PKD1: variants seen among roughly 807,000 people sequenced by gnomAD.
PKD1 encodes the protein polycystin 1, transient receptor potential channel interacting.
A neutral mutation model predicts 361.7 loss-of-function variants in PKD1; 81 were observed. The ratio of observed to expected loss-of-function variants is 0.22; its 90% confidence interval spans 0.19 to 0.27. The LOEUF is 0.27. Ranked by LOEUF, PKD1 falls within the 10% of genes least tolerant of loss-of-function variation. PKD1 has a pLI of 1.00. For synonymous variants in PKD1, 3,615 were observed against 2,818.3 expected (o/e 1.28, Z -8.95); for missense variants, 6,399 against 6,118.3 (o/e 1.05, Z -1.53).
chr16:2,105,899 T>G lies in PKD1; in HGVS notation c.7829A>C (p.Glu2610Ala), dbSNP rs768882400. Residue 2610 changes from glutamate (E) to alanine (A), a missense_variant, in exon 20 of 46, where the codon GAG becomes GCG. Transcript: ENST00000262304. ...CACGGTGACCAGGGCCAACGAGTAC[T>G]CGATGACGTGCTGGGGATCGGCCTG... ...LRQADPQHVI[E>A]YSLALVTVLN... 8 of 1,596,486 alleles carry G rather than the reference T, an allele frequency of 5.0e-6. No homozygotes were observed. In the East Asian group the frequency reaches 1.8e-4, roughly 36 times the overall value.
rs752568919 is a variant in PKD1 at position 2,106,645 on chromosome 16, C to T, written c.7242G>A (p.Thr2414=). The T allele has an allele frequency of 1.3e-5, 20 of 1,598,000 alleles. No individual in the cohort carries two copies. The highest frequency in any genetic ancestry group is 5.5e-5 in the South Asian group (5 of 90,870). The change falls in exon 18 of 46, where the codon ACG becomes ACA. Residue 2414 remains threonine, a synonymous_variant. Coordinates refer to ENST00000262304, the MANE Select transcript of PKD1 (RefSeq NM_001009944.3). The surrounding 1 kb of genome is among the most constrained non-coding windows in gnomAD (Gnocchi z 6.5). ...ATGTGGTGGTCTCATCCAGCACCAG[C>T]GTCTTGTTGCTGAACGTACGTGCAG... ...RWAARTFSNK[T]LVLDETTTST...
chr16:2,108,164 G>A (rs544172475), intron 15 of PKD1, 88 bp downstream of exon 15: 5 of 1,476,196 alleles, frequency 3.4e-6, no homozygotes, highest in South Asian at 2.4e-5. Context: ...CTGAGGACGG[G>A]CCAGCCCTGG....
At position 2,103,356 on chromosome 16, in the gene PKD1, G is replaced by C; in HGVS notation, c.8701C>G (p.Pro2901Ala). The C allele has an allele frequency of 6.2e-7, 1 of 1,604,558 alleles. No individual in the cohort carries two copies. The highest frequency in any genetic ancestry group is 1.3e-5 in the African/African-American group (1 of 74,990). ...ANSANSVVVQ[P>A]QASVGAVVTL... is the part of the protein sequence containing the mutation. The stretch of plus-strand genomic sequence containing the variant: ...ACCACAGCACCGACGGAGGCCTGGG[G>C]CTGGACCACAACGGAGTTGGCGGAG... Residue 2901 changes from proline to alanine, a missense_variant, in exon 23 of 46, where the codon CCC (proline) becomes GCC (alanine). Transcript: ENST00000262304.
rs571228066 is a variant in PKD1, at chr16:2,097,537, G to T, written c.10221-34C>A. ...GGCGCGGGTCAGCAAGGTACCAGGG[G>T]ATGTGTCACACACACAGCCCACCCC... On this transcript the variant is annotated intron_variant, in intron 32 of 45. Coordinates refer to ENST00000262304, the MANE Select transcript of PKD1 (RefSeq NM_001009944.3). 2.4e-5 allele frequency: 39 copies of T among 1,602,640 alleles called. No homozygotes were observed. In the Admixed American group the frequency reaches 6.2e-4, roughly 25 times the overall value.
At chr16:2,128,408 G>A (rs1021498504) in intron 1 of PKD1, among the ~76,000 whole-genome samples, 1 of 150,878 alleles carries the variant, frequency 6.6e-6, no homozygotes, top group Non-Finnish European at 1.5e-5. Context: ...AGCCCCTCGG[G>A]GAGTGCAAGC....
chr16:2,098,311 C>A (rs1188222007), intron 30 of PKD1: 1 of 407,064 alleles, frequency 2.5e-6, no homozygotes, highest in South Asian at 2.2e-5. Context: ...CGCGTTCAGG[C>A]GATTGTCCTG....
Position 2,117,027 on chromosome 16 carries a change from G to A in PKD1, c.1412C>T (p.Ser471Leu), listed in dbSNP as rs766595711. The A allele has an allele frequency of 2.1e-5, 34 of 1,584,176 alleles. No homozygotes were observed. Among genetic ancestry groups the A allele is most frequent in the Non-Finnish European group, 2.7e-5 (32 of 1,170,852 alleles). ...GCCCACCTCCACCCCCTGCACAGTC[G>A]AGAAGCCGATCCACACGTCTAGGCT... ...TRSLDVWIGFSTVQGVEVGPA... is the reference protein window; with the variant it reads ...TRSLDVWIGFLTVQGVEVGPA... The change falls in exon 7 of 46, where the codon TCG (serine) becomes TTG (leucine). Residue 471 changes from serine (S) to leucine (L), a missense_variant. Transcript: ENST00000262304.
In PKD1 at chr16:2,107,883, C is replaced by G. The variant is rs573444508; in HGVS notation, c.7065G>C (p.Thr2355=). Reference sequence around the variant, plus strand: ...TGGCCGAGGGGCGGGCGGCACCCACCGTCTGGTTGGTGGCCTCCTCCTTGC... The same window carrying G: ...TGGCCGAGGGGCGGGCGGCACCCACGGTCTGGTTGGTGGCCTCCTCCTTGC... ...AGRKEEATNQ[T]VLIRSGRVPI... Residue 2355 remains threonine (T), a splice_region_variant and synonymous_variant, in exon 16 of 46, where the codon ACG becomes ACC. Coordinates refer to ENST00000262304, the MANE Select transcript of PKD1 (RefSeq NM_001009944.3). 1 of 1,543,914 alleles carries G rather than the reference C, an allele frequency of 6.5e-7. No homozygotes were observed. Among genetic ancestry groups the G allele is most frequent in the South Asian group, 1.2e-5 (1 of 83,978 alleles).
intron 39 of PKD1, 88 bp from the exon 40 acceptor site, chr16:2,092,276 G>A: frequency 9.2e-6 from 13 of 1,416,806 alleles, no homozygotes; most frequent in Non-Finnish European, 1.3e-5. Context: ...CCTGAGCTCT[G>A]GTTCGGCGCC....
At chr16:2,105,557 T>A in intron 20 of PKD1, 83 bp from the exon 21 acceptor site, 7 of 1,594,588 alleles carry the variant, frequency 4.4e-6, no homozygotes, top group Non-Finnish European at 5.9e-6. Flanking sequence ...ACTCCCGGGG[T>A]GCAGTTACGT....
rs1002951442 is a variant in PKD1, at chr16:2,094,210, C to T, written c.10500G>A (p.Leu3500=). Residue 3500 remains leucine (L), a splice_region_variant and synonymous_variant, in exon 35 of 46, where the codon CTG becomes CTA. Coordinates refer to ENST00000262304, the MANE Select transcript of PKD1 (RefSeq NM_001009944.3). Reference sequence around the variant, plus strand: ...CTGTCTTCTCCCCAGGAGTGCTGGACCTGAGGGACATGGTAGGCTGTGAAT... The same window carrying T: ...CTGTCTTCTCCCCAGGAGTGCTGGATCTGAGGGACATGGTAGGCTGTGAAT... ...THMETDLLSS[L]SSTPGEKTET... 3.8e-6 allele frequency: 6 copies of T among 1,570,814 alleles called. No individual in the cohort carries two copies. The highest frequency in any genetic ancestry group is 2.7e-5 in the African/African-American group (2 of 74,066).
At chr16:2,094,743 T>C (rs1028716333) in intron 34 of PKD1, 4 of 166,878 alleles carry the variant, frequency 2.4e-5, no homozygotes, top group African/African-American at 9.7e-5. Context: ...ACCGAGGCTG[T>C]GCCACTGCAT....
chr16:2,103,235 G>A (rs1236185364), intron 23 of PKD1, 31 bp downstream of exon 23: 11 of 1,606,550 alleles, frequency 6.8e-6, no homozygotes, highest in South Asian at 1.1e-5. Flanking sequence ...CAAGGCCAGG[G>A]GGCCGCGTGT....
At position 2,091,519 on chromosome 16, in the gene PKD1, C is replaced by T. The variant is rs370230612; in HGVS notation, c.11616G>A (p.Glu3872=). Residue 3872 remains glutamate, a synonymous_variant, in exon 42 of 46, where the codon GAG becomes GAA. Coordinates refer to ENST00000262304, the MANE Select transcript of PKD1 (RefSeq NM_001009944.3). ...GLHAAVTLRL[E]FPAAGRALAA... ...CCAGGGCGCGGCCGGCCGCCGGGAA[C>T]TCGAGGCGCAGCGTGACGGCGGCGT... 697 of 1,474,268 alleles carry T rather than the reference C, an allele frequency of 4.7e-4. 3 individuals carry two copies. The East Asian group carries it at 0.016, about 34-fold the overall frequency. 91.3% of individuals were successfully genotyped at this position (1,474,268 alleles called of 1,614,324 possible). A position where few individuals can be genotyped will look rare whatever the true frequency, so the allele number is the denominator to read the frequency against.
Position 2,103,283 on chromosome 16 carries a change from T to C in PKD1, c.8774A>G (p.Asn2925Ser), listed in dbSNP as rs754623654. The change falls in exon 23 of 46, where the codon AAC (asparagine) becomes AGC (serine). Residue 2925 changes from asparagine to serine, a missense_variant. Transcript: ENST00000262304. ...NPAAGLHLQL[N>S]YTLLDGHYLS... Reference sequence around the variant, plus strand: ...GCACGCACCGTCCAGCAGCGTATAGTTGAGCTGCAGATGCAGCCCGGCCGC... The same window carrying C: ...GCACGCACCGTCCAGCAGCGTATAGCTGAGCTGCAGATGCAGCCCGGCCGC... 7 of 1,609,672 alleles carry C rather than the reference T, an allele frequency of 4.3e-6. No homozygotes were observed. The South Asian group carries it at 7.7e-5, about 18-fold the overall frequency.
In PKD1 at chr16:2,110,199, A is replaced by G. The variant is rs777909326; in HGVS notation, c.4968T>C (p.Val1656=). 6.2e-7 allele frequency: 1 copy of G among 1,611,586 alleles called. No individual in the cohort carries two copies. Among genetic ancestry groups the G allele is most frequent in the Admixed American group, 1.7e-5 (1 of 59,998 alleles). Residue 1656 remains valine, a synonymous_variant, in exon 15 of 46, where the codon GTT becomes GTC. Coordinates refer to ENST00000262304, the MANE Select transcript of PKD1 (RefSeq NM_001009944.3). ...TGTAGGAGACGTTGGTGCCATCCCT[A>G]ACCACGGCCTGCAGCTGTACCGTGT... ...TNHTVQLQAV[V]RDGTNVSYSW...
At chr16:2,092,455 C>T (rs774339038) in intron 39 of PKD1, 25 bp downstream of exon 39, 10 of 1,481,432 alleles carry the variant, frequency 6.8e-6, no homozygotes, top group Non-Finnish European at 9.4e-6. Context: ...CGATTTAAGT[C>T]TTGGGGCACG....
Position 2,094,229 on chromosome 16 carries a change from T to C in PKD1, c.10500-19A>G, listed in dbSNP as rs1431246665. On this transcript the variant is annotated intron_variant, in intron 34 of 45. Transcript: ENST00000262304. Reference sequence around the variant, plus strand: ...GCTGGACCTGAGGGACATGGTAGGCTGTGAATTCATCCCGGCCTCCAGGAG... The same window carrying C: ...GCTGGACCTGAGGGACATGGTAGGCCGTGAATTCATCCCGGCCTCCAGGAG... 1 of 1,451,636 alleles carries C rather than the reference T, an allele frequency of 6.9e-7. No homozygotes were observed. The highest frequency in any genetic ancestry group is 9.7e-7 in the Non-Finnish European group (1 of 1,034,352). 89.9% of individuals were successfully genotyped at this position (1,451,636 alleles called of 1,614,324 possible). A position where few individuals can be genotyped will look rare whatever the true frequency, so the allele number is the denominator to read the frequency against.
At position 2,133,081 on chromosome 16, in the gene PKD1, CAAAAAAAAAAAA is replaced by C. The variant is rs71388236; in HGVS notation, c.215+2382_215+2393del. On this transcript the variant is annotated intron_variant, in intron 1 of 45. Transcript: ENST00000262304. The stretch of plus-strand genomic sequence containing the variant: ...TTGGCAACAAGAGTGAACTCTGTCT[CAAAAAAAAAAAA>C]AAAAAAAAAAAACACATGGGTCAGG... The C allele has an allele frequency of 1.2e-4, 5 of 41,086 alleles. No homozygotes were observed. In the South Asian group the frequency reaches 3.1e-3, roughly 25 times the overall value. The allele number at this position is 41,086 out of a possible 1,614,324, so 2.5% of individuals were successfully genotyped here.
Sources: allele counts gnomAD v4.1 joint callset (sites outside exome capture counted in the v4.1 genomes callset), GRCh38; gene constraint gnomAD v4.1.1; non-coding constraint Gnocchi (gnomAD v3.1); transcripts MANE v1.5; gene names NCBI Gene and HGNC (gene_info 2026-07-23, HGNC 2026-07-21).